The following PLCXD3 variants were observed in gnomAD, a reference collection of about 807,000 sequenced individuals.
PLCXD3 encodes the protein phosphatidylinositol specific phospholipase C X domain containing 3, also known as PI-PLC X domain-containing protein 3.
PLCXD3 carries 19 observed loss-of-function variants against 25.5 expected under a neutral mutation model. The observed-to-expected ratio is 0.75, with a 90% CI of 0.52 to 1.09. The LOEUF (loss-of-function observed/expected upper bound fraction) is 1.09. PLCXD3 is among the 50% of genes least tolerant of loss of function. The probability of loss-of-function intolerance (pLI) is 0.00; values close to 1 mark genes in which losing one functional copy is unlikely to be tolerated. For missense variants in PLCXD3, 411 were observed against 388.1 expected (o/e 1.06, Z -0.50); for synonymous variants, 174 against 137.6 (o/e 1.26, Z -1.85).
intron 2 of PLCXD3, among the ~76,000 whole-genome samples, chr5:41,329,367 T>A (rs1338038621): frequency 6.6e-6 from 1 of 152,222 alleles, no homozygotes; most frequent in Non-Finnish European, 1.5e-5. Context: ...GTTTTCCTAC[T>A]GTTGTAGCCT....
At chr5:41,365,076 G>A (rs1056270684) in intron 2 of PLCXD3, among the ~76,000 whole-genome samples, 2 of 152,180 alleles carry the variant, frequency 1.3e-5, no homozygotes, top group Admixed American at 6.5e-5. Context: ...CACACAAAGT[G>A]TTGTAAATCT....
chr5:41,434,698 T>TGATG (rs1747201663), intron 1 of PLCXD3, among the ~76,000 whole-genome samples: 1 of 152,158 alleles, frequency 6.6e-6, no homozygotes, highest in South Asian at 2.1e-4. Context: ...GAAGGAATTT[T>TGATG]GATGGATGGA....
intron 2 of PLCXD3, among the ~76,000 whole-genome samples, chr5:41,355,944 A>T (rs1396392888): frequency 6.6e-6 from 1 of 152,172 alleles, no homozygotes; most frequent in South Asian, 2.1e-4. Flanking sequence ...ACTTTAACTT[A>T]TATGAAATGA....
At chr5:41,505,169 G>A (rs1016940080) in intron 1 of PLCXD3, among the ~76,000 whole-genome samples, 3 of 152,114 alleles carry the variant, frequency 2.0e-5, no homozygotes, top group East Asian at 1.9e-4. Flanking sequence ...GGGCCTTAAC[G>A]TATGAACATT....
chr5:41,343,776 G>A (rs1744225122), intron 2 of PLCXD3, among the ~76,000 whole-genome samples: 1 of 152,134 alleles, frequency 6.6e-6, no homozygotes, highest in Non-Finnish European at 1.5e-5. Context: ...GTGGTTTAAT[G>A]TCAAGTCACA....
chr5:41,331,270 A>G (rs559492428), intron 2 of PLCXD3, among the ~76,000 whole-genome samples: 15 of 152,126 alleles, frequency 9.9e-5, no homozygotes, highest in Non-Finnish European at 1.5e-4. Context: ...AAATCAATGT[A>G]CAAAAATCAC....
chr5:41,345,047 A>G (rs1744261002), intron 2 of PLCXD3, among the ~76,000 whole-genome samples: 3 of 152,202 alleles, frequency 2.0e-5, no homozygotes, highest in African/African-American at 7.2e-5. Context: ...CTATTACAGC[A>G]TATAATAGGG....
chr5:41,359,781 A>G (rs1305229375), intron 2 of PLCXD3, among the ~76,000 whole-genome samples: 1 of 151,930 alleles, frequency 6.6e-6, no homozygotes, highest in Non-Finnish European at 1.5e-5. Flanking sequence ...CTCCAGTTCA[A>G]TGACTTTAAA....
intron 2 of PLCXD3, among the ~76,000 whole-genome samples, chr5:41,315,284 C>T (rs1743256742): frequency 6.6e-6 from 1 of 151,712 alleles, no homozygotes; most frequent in African/African-American, 2.4e-5. Flanking sequence ...GAGGGAAATA[C>T]ATGTGAACAT....
In PLCXD3 at chr5:41,313,703, T is replaced by C. The variant is rs1743208254; in HGVS notation, c.880A>G (p.Thr294Ala). 1.2e-6 allele frequency: 2 copies of C among 1,613,708 alleles called. No individual in the cohort carries two copies. Among genetic ancestry groups the C allele is most frequent in the Admixed American group, 3.3e-5 (2 of 59,986 alleles). ...TCACCAAGTTCTACAAAATCGGCAG[T>C]GACAATATTGATGCCACTCTCTCCT... ...KPGESGINIV[T>A]ADFVELGDFI... The change falls in exon 3 of 3, where the codon ACT becomes GCT. Residue 294 changes from threonine to alanine, a missense_variant. Coordinates refer to ENST00000377801, the MANE Select transcript of PLCXD3 (RefSeq NM_001005473.3).
chr5:41,481,657 G>A (rs1748417264), intron 1 of PLCXD3, among the ~76,000 whole-genome samples: 1 of 152,216 alleles, frequency 6.6e-6, no homozygotes. Context: ...TAAATAACAA[G>A]TATGATATGA....
intron 2 of PLCXD3, among the ~76,000 whole-genome samples, chr5:41,359,865 A>G (rs934814721): frequency 4.6e-5 from 7 of 152,018 alleles, no homozygotes; most frequent in African/African-American, 4.8e-5. Flanking sequence ...AGCTTCTTGT[A>G]TTTGGATTTC....
rs1746236351 is a variant in PLCXD3, at chr5:41,403,155, C to T, written c.104-20621G>A. Among the ~76,000 whole-genome samples, 7 of 151,986 alleles carry T rather than the reference C, an allele frequency of 4.6e-5. No individual in the cohort carries two copies. In the South Asian group the frequency reaches 1.5e-3, roughly 32 times the overall value. On this transcript the variant is annotated intron_variant, in intron 1 of 2. Coordinates refer to ENST00000377801, the MANE Select transcript of PLCXD3 (RefSeq NM_001005473.3). Reference sequence around the variant, plus strand: ...ACCTTCGGCCTAGTAGCTAGACTCTCTACCTTTGGCTTTACTAAAAAGGTT... The same window carrying T: ...ACCTTCGGCCTAGTAGCTAGACTCTTTACCTTTGGCTTTACTAAAAAGGTT...
chr5:41,350,712 T>C (rs965425446), intron 2 of PLCXD3, among the ~76,000 whole-genome samples: 1 of 151,684 alleles, frequency 6.6e-6, no homozygotes, highest in African/African-American at 2.4e-5. Context: ...GAAAATAGAG[T>C]ATGGCAAAAG....
chr5:41,475,755 T>G (rs1422725749), intron 1 of PLCXD3: 2 of 533,888 alleles, frequency 3.7e-6, no homozygotes, highest in Admixed American at 3.9e-5. Flanking sequence ...CTGTTACTAC[T>G]TGAGACCATC....
In PLCXD3 at chr5:41,439,351, G is replaced by A. The variant is rs145827589; in HGVS notation, c.104-56817C>T. Among the ~76,000 whole-genome samples, 543 of 152,296 alleles carry A rather than the reference G, an allele frequency of 3.6e-3. 4 individuals carry two copies. Among genetic ancestry groups the A allele is most frequent in the Non-Finnish European group, 5.6e-3 (384 of 68,030 alleles). On this transcript the variant is annotated intron_variant, in intron 1 of 2. Transcript: ENST00000377801. ...TTGACTTTTAGGAGGGCATATTAAT[G>A]TGCTAAATGAAAGACTGCATTTCCC...
rs181222542 is a variant in PLCXD3 at position 41,453,292 on chromosome 5, G to T, written c.103+57132C>A. 4.3e-3 allele frequency among the ~76,000 whole-genome samples: 646 copies of T among 151,088 alleles called. 6 individuals carry two copies. The highest frequency in any genetic ancestry group is 0.015 in the African/African-American group (616 of 41,160). Reference sequence around the variant, plus strand: ...TATCATATTCTTATGCCAAAGAGATGATTCCAATGTCACAAACTATTGGCT... The same window carrying T: ...TATCATATTCTTATGCCAAAGAGATTATTCCAATGTCACAAACTATTGGCT... On this transcript the variant is annotated intron_variant, in intron 1 of 2. Transcript: ENST00000377801.
At chr5:41,409,994 G>C (rs946670290) in intron 1 of PLCXD3, among the ~76,000 whole-genome samples, 1 of 152,146 alleles carries the variant, frequency 6.6e-6, no homozygotes, top group Non-Finnish European at 1.5e-5. Context: ...ATGAATGAAT[G>C]AAAGAATTAA....
At chr5:41,394,429 A>G (rs1745934673) in intron 1 of PLCXD3, among the ~76,000 whole-genome samples, 1 of 152,200 alleles carries the variant, frequency 6.6e-6, no homozygotes, top group Admixed American at 6.5e-5. Flanking sequence ...ACAATCAGAA[A>G]GCAAATAATA....
Sources: allele counts gnomAD v4.1 joint callset (sites outside exome capture counted in the v4.1 genomes callset), GRCh38; gene constraint gnomAD v4.1.1; transcripts MANE v1.5; gene names NCBI Gene and HGNC (gene_info 2026-07-23, HGNC 2026-07-21).